Variants in ABCE1 observed in about 807,000 individuals in gnomAD.
ABCE1 encodes the protein ATP binding cassette subfamily E member 1, also known as ATP-binding cassette sub-family E member 1.
In ABCE1, 22 loss-of-function variants were observed where a neutral mutation model predicts 83.4. The observed-to-expected ratio is 0.26, with a 90% CI of 0.19 to 0.38. The LOEUF is 0.38. ABCE1 is among the 10% of genes least tolerant of loss of function. The pLI is 1.00. For missense variants in ABCE1, 330 were observed against 721.9 expected, an observed-to-expected ratio of 0.46 and a Z score of 6.22; for synonymous variants, 204 against 233.7, an observed-to-expected ratio of 0.87 and a Z score of 1.16.
intron 3 of ABCE1, among the ~76,000 whole-genome samples, chr4:145,106,225 G>A (rs1030055176): frequency 2.0e-5 from 3 of 151,986 alleles, no homozygotes; most frequent in African/African-American, 7.2e-5. Context: ...AAGAAATTTA[G>A]GAGCTAATGT....
intron 1 of ABCE1, among the ~76,000 whole-genome samples, chr4:145,100,513 C>T (rs749128438): frequency 6.6e-6 from 1 of 152,218 alleles, no homozygotes; most frequent in Admixed American, 6.5e-5. Context: ...GAAAGGCATT[C>T]AGTATTTAAA....
At chr4:145,111,136 AG>A (rs1749459260) in intron 8 of ABCE1, 72 bp downstream of exon 8, 1 of 1,009,180 alleles carries the variant, frequency 9.9e-7, no homozygotes, top group Non-Finnish European at 1.5e-6. Flanking sequence ...CTGCTAATAG[AG>A]GAATGGTTTT....
intron 17 of ABCE1, 140 bp from the exon 18 acceptor site, chr4:145,127,386 C>T: frequency 1.4e-6 from 1 of 690,110 alleles, no homozygotes; most frequent in East Asian, 3.1e-5. Context: ...CCAGGAATAT[C>T]CAGAAACAGA....
chr4:145,126,345 A>C (rs557947224), intron 17 of ABCE1, among the ~76,000 whole-genome samples: 2 of 152,226 alleles, frequency 1.3e-5, no homozygotes, highest in South Asian at 4.2e-4. Flanking sequence ...CCTAGGCTGG[A>C]GTGCAGTGGC....
intron 2 of ABCE1, among the ~76,000 whole-genome samples, chr4:145,104,721 T>C (rs997573949): frequency 6.6e-6 from 1 of 152,036 alleles, no homozygotes; most frequent in Non-Finnish European, 1.5e-5. Context: ...GACCAAATTT[T>C]AGAATAATAC....
Position 145,107,998 on chromosome 4 carries a change from T to A in ABCE1, c.190-17T>A. 6.3e-7 allele frequency: 1 copy of A among 1,593,976 alleles called. No homozygotes were observed. Among genetic ancestry groups the A allele is most frequent in the Non-Finnish European group, 8.5e-7 (1 of 1,170,436 alleles). ...TACAAATTAATACAAAAATTAATTC[T>A]TTACTTTAAATAACAGAAATGCCCC... is the stretch of plus-strand genomic sequence containing the variant. On this transcript the variant is annotated splice_polypyrimidine_tract_variant and intron_variant, in intron 3 of 17. Coordinates refer to ENST00000296577, the MANE Select transcript of ABCE1 (RefSeq NM_002940.3).
rs1376490646 is a variant in ABCE1 at position 145,111,042 on chromosome 4, GT to G, written c.691del (p.Cys231AlafsTer17). 1 of 1,611,154 alleles carries G rather than the reference GT, an allele frequency of 6.2e-7. No individual in the cohort carries two copies. Among genetic ancestry groups the G allele is most frequent in the Non-Finnish European group, 8.5e-7 (1 of 1,178,806 alleles). ...GELQRFACAV[V>X]CIQKADIFMF... The stretch of plus-strand genomic sequence containing the variant: ...GTTGCAGAGATTTGCTTGTGCTGTC[GT>G]TTGCATACAGAAAGCTGATATGTAG... On this transcript the variant is annotated frameshift_variant, in exon 8 of 18. Transcript: ENST00000296577. LOFTEE classifies it high-confidence loss of function.
chr4:145,122,769 C>T (rs371027696), intron 13 of ABCE1: 73 of 305,224 alleles, frequency 2.4e-4, no homozygotes, highest in African/African-American at 1.5e-3. Context: ...CCTGATCATG[C>T]CATTGCACAC....
intron 11 of ABCE1, 42 bp from the exon 12 acceptor site, chr4:145,121,132 C>T (rs763686727): frequency 1.2e-6 from 2 of 1,601,032 alleles, no homozygotes; most frequent in Non-Finnish European, 8.5e-7. Flanking sequence ...CTTTAAACGT[C>T]AAGCATCTTT....
At chr4:145,105,203 C>A (rs1410836480) in intron 2 of ABCE1, among the ~76,000 whole-genome samples, 1 of 151,990 alleles carries the variant, frequency 6.6e-6, no homozygotes, top group African/African-American at 2.4e-5. Flanking sequence ...TTTTACTGAT[C>A]TAGCTACAAT....
At chr4:145,104,598 A>C (rs1372303489) in intron 2 of ABCE1, 83 bp downstream of exon 2, 6 of 889,516 alleles carry the variant, frequency 6.7e-6, no homozygotes, top group Non-Finnish European at 9.5e-6. Flanking sequence ...ACGGACATTA[A>C]CATAAACTTT....
rs560019026 is a variant in ABCE1, at chr4:145,104,165, A to G, written c.-27-221A>G. 4.6e-5 allele frequency among the ~76,000 whole-genome samples: 7 copies of G among 152,024 alleles called. 1 individual carries two copies. The South Asian group carries it at 1.0e-3, about 23-fold the overall frequency. Reference sequence around the variant, plus strand: ...AAATGACATTTTTTTCTTTCCTTATATAAATCTTCTGATTAAAGTATATAT... The same window carrying G: ...AAATGACATTTTTTTCTTTCCTTATGTAAATCTTCTGATTAAAGTATATAT... On this transcript the variant is annotated intron_variant, in intron 1 of 17. Transcript: ENST00000296577.
At chr4:145,113,964 A>C (rs1749548391) in intron 9 of ABCE1, among the ~76,000 whole-genome samples, 1 of 152,158 alleles carries the variant, frequency 6.6e-6, no homozygotes, top group Non-Finnish European at 1.5e-5. Context: ...CATATATCTT[A>C]ATAGTCTGAA....
At chr4:145,114,597 A>G (rs1749563140) in intron 9 of ABCE1, among the ~76,000 whole-genome samples, 1 of 152,050 alleles carries the variant, frequency 6.6e-6, no homozygotes, top group Non-Finnish European at 1.5e-5. Context: ...TTAAAATTAA[A>G]AGATCAGTAA....
chr4:145,105,497 A>G, intron 2 of ABCE1, 108 bp from the exon 3 acceptor site: 1 of 717,776 alleles, frequency 1.4e-6, no homozygotes. Flanking sequence ...TTTGTTTTTG[A>G]AAATCTGCTT....
At chr4:145,116,904 G>A (rs1243042577) in intron 9 of ABCE1, among the ~76,000 whole-genome samples, 1 of 151,844 alleles carries the variant, frequency 6.6e-6, no homozygotes, top group African/African-American at 2.4e-5. Context: ...TTGTGTATGC[G>A]TCCATCCCCT....
At chr4:145,126,277 G>GT (rs971701609) in intron 17 of ABCE1, among the ~76,000 whole-genome samples, 3 of 151,928 alleles carry the variant, frequency 2.0e-5, no homozygotes, top group Non-Finnish European at 4.4e-5. Context: ...TTTCTGGGTT[G>GT]TTTTTTTGGT....
At chr4:145,115,253 G>A (rs1749579659) in intron 9 of ABCE1, among the ~76,000 whole-genome samples, 1 of 151,944 alleles carries the variant, frequency 6.6e-6, no homozygotes, top group African/African-American at 2.4e-5. Context: ...GGGGCAGGAA[G>A]TTTGACCTAT....
rs1452985249 is a variant in ABCE1, at chr4:145,112,337, A to C, written c.800+9A>C. On this transcript the variant is annotated intron_variant, in intron 9 of 17. Coordinates refer to ENST00000296577, the MANE Select transcript of ABCE1 (RefSeq NM_002940.3). ...CTAATAAATCCAGATAGGTAAGTAG[A>C]GATCTGGCATATTACTGTGTTGTTT... is the stretch of plus-strand genomic sequence containing the variant. 2 of 1,522,310 alleles carry C rather than the reference A, an allele frequency of 1.3e-6. No individual in the cohort carries two copies. The highest frequency in any genetic ancestry group is 1.4e-5 in the African/African-American group (1 of 71,862). The allele number at this position is 1,522,310 out of a possible 1,614,324, so 94.3% of individuals were successfully genotyped here.
Sources: gnomAD v4.1 joint callset for allele counts (sites outside exome capture counted in the v4.1 genomes callset) on GRCh38, gnomAD v4.1.1 for gene constraint, MANE v1.5 for transcripts, NCBI Gene and HGNC (gene_info 2026-07-23, HGNC 2026-07-21) for gene names.